Variants in EML5 observed in about 807,000 individuals in gnomAD.
EML5 encodes echinoderm microtubule-associated protein-like 5.
EML5 carries 120 observed loss-of-function variants against 250.0 expected under a neutral mutation model. The ratio of observed to expected loss-of-function variants is 0.48; its 90% CI spans 0.41 to 0.56. The LOEUF (loss-of-function observed/expected upper bound fraction) is 0.56. Ranked by LOEUF, EML5 falls within the 20% of genes least tolerant of loss-of-function variation. EML5 has a pLI of 0.00. For synonymous variants in EML5, 771 were observed against 806.5 expected (o/e 0.96, Z 0.75); for missense variants, 2,006 against 2,437.6 (o/e 0.82, Z 3.73).
At chr14:88,616,062 C>A in intron 43 of EML5, 80 bp downstream of exon 43, 1 of 1,488,636 alleles carries the variant, frequency 6.7e-7, no homozygotes, top group Admixed American at 1.7e-5. Flanking sequence ...ATTTCATAAA[C>A]CAAAGCTGTA....
chr14:88,762,946 T>C (rs2094267059), intron 1 of EML5, among the ~76,000 whole-genome samples: 1 of 152,112 alleles, frequency 6.6e-6, no homozygotes, highest in Non-Finnish European at 1.5e-5. Context: ...CAGAAATACG[T>C]TCTTTGAAAC....
intron 21 of EML5, 128 bp from the exon 22 acceptor site, chr14:88,665,617 A>G: frequency 2.4e-6 from 3 of 1,254,856 alleles, no homozygotes; most frequent in South Asian, 3.0e-5. Flanking sequence ...GCCCGCGGCC[A>G]GGAGGTTAAG....
chr14:88,626,907 G>A lies in EML5; in HGVS notation c.4671C>T (p.Ser1557=). 1 of 1,613,732 alleles carries A rather than the reference G, an allele frequency of 6.2e-7. No homozygotes were observed. The highest frequency in any genetic ancestry group is 2.2e-5 in the East Asian group (1 of 44,866). ...FWTLAGRALL[S]KKGLLSTLED... is the part of the protein sequence containing the mutation. Reference sequence around the variant, plus strand: ...CCAGTGTGCTCAGTAGCCCTTTTTTGCTAAGAAGAGCTCTTCCTGCCAGGG... The same window carrying A: ...CCAGTGTGCTCAGTAGCCCTTTTTTACTAAGAAGAGCTCTTCCTGCCAGGG... The change falls in exon 35 of 44, where the codon AGC becomes AGT. Residue 1557 remains serine, a synonymous_variant. Transcript: ENST00000554922.
In EML5 at chr14:88,616,212, G is replaced by A. The variant is rs538021093; in HGVS notation, c.5827C>T (p.Pro1943Ser). The change falls in exon 43 of 44, where the codon CCC (proline) becomes TCC (serine). Residue 1943 changes from proline to serine, a missense_variant. Around this residue, in one of 7 missense-constraint regions of EML5, gnomAD observed 56 missense variants for 55.1 expected, o/e 1.02. Transcript: ENST00000554922. ...GTAAATCGAATATTTGTCACATGGG[G>A]CGAATGACCCAAGAACCTTTTGTGT... ...AKHKRFLGHS[P>S]HVTNIRFTSG... 17 of 1,613,900 alleles carry A rather than the reference G, an allele frequency of 1.1e-5. No homozygotes were observed. The South Asian group carries it at 1.8e-4, about 17-fold the overall frequency.
In EML5 at chr14:88,613,383, C is replaced by CTT; in HGVS notation, c.*2433_*2434dup. The CTT allele has an allele frequency of 6.6e-6, 1 of 151,980 alleles. No individual in the cohort carries two copies. Among genetic ancestry groups the CTT allele is most frequent in the East Asian group, 1.9e-4 (1 of 5,194 alleles). 9.4% of individuals were successfully genotyped at this position (151,980 alleles called of 1,614,324 possible). ...TAAATTGTTTAAATATCTGGAAATACTTTTAGCTATCATTTATAAAGATAG... is the reference window on the plus strand; with the variant it reads ...TAAATTGTTTAAATATCTGGAAATACTTTTTTAGCTATCATTTATAAAGATAG... On this transcript the variant is annotated 3_prime_UTR_variant, in exon 44 of 44. Coordinates refer to ENST00000554922, the MANE Select transcript of EML5 (RefSeq NM_183387.3).
At chr14:88,781,719 C>T (rs773306029) in intron 1 of EML5, among the ~76,000 whole-genome samples, 1 of 152,156 alleles carries the variant, frequency 6.6e-6, no homozygotes, top group African/African-American at 2.4e-5. Context: ...GGCTTTTCCC[C>T]CTCTTCACTC....
chr14:88,669,289 G>A (rs912446804), intron 21 of EML5, among the ~76,000 whole-genome samples: 1 of 152,168 alleles, frequency 6.6e-6, no homozygotes, highest in African/African-American at 2.4e-5. Context: ...CCAAGTTCCT[G>A]GGGGAAGGGA....
intron 1 of EML5, among the ~76,000 whole-genome samples, chr14:88,769,649 G>C (rs116622155): frequency 0.018 from 2,787 of 152,212 alleles, 96 homozygotes; most frequent in African/African-American, 0.063. Context: ...AAAAATAGGT[G>C]ACACGCCAGA....
At chr14:88,721,395 C>A (rs187921402) in intron 8 of EML5, among the ~76,000 whole-genome samples, 5 of 152,270 alleles carry the variant, frequency 3.3e-5, no homozygotes, top group South Asian at 2.1e-4. Flanking sequence ...ACCAAAACAG[C>A]ATGATGCTGG....
At chr14:88,754,787 T>C (rs1345566917) in intron 1 of EML5, 116 bp from the exon 2 acceptor site, 22 of 920,714 alleles carry the variant, frequency 2.4e-5, no homozygotes, top group Admixed American at 1.2e-4. Flanking sequence ...TTATCCACTT[T>C]AGACAATTTG....
intron 1 of EML5, among the ~76,000 whole-genome samples, chr14:88,769,162 A>G (rs1376862637): frequency 1.3e-5 from 2 of 152,236 alleles, no homozygotes; most frequent in South Asian, 2.1e-4. Context: ...TGTGTCCCCA[A>G]CCAAATCTCA....
Position 88,777,487 on chromosome 14 carries a change from T to C in EML5, c.197+14820A>G, listed in dbSNP as rs151070242. On this transcript the variant is annotated intron_variant, in intron 1 of 43. Transcript: ENST00000554922. ...TTAATGAGCAATAAGTAATCCCAAG[T>C]GGGTTTTGAAGGTACAAAACTCACT... 5.2e-3 allele frequency among the ~76,000 whole-genome samples: 787 copies of C among 152,274 alleles called. 8 individuals carry two copies. The highest frequency in any genetic ancestry group is 0.018 in the African/African-American group (756 of 41,558).
At position 88,702,594 on chromosome 14, in the gene EML5, G is replaced by A; in HGVS notation, c.2090C>T (p.Thr697Ile). 1 of 1,607,610 alleles carries A rather than the reference G, an allele frequency of 6.2e-7. No homozygotes were observed. The change falls in exon 14 of 44, where the codon ACT becomes ATT. Residue 697 changes from threonine (T) to isoleucine (I), a missense_variant. Around this residue, in one of 7 missense-constraint regions of EML5, gnomAD observed 1,375 missense variants for 1,590.3 expected, o/e 0.86. Coordinates refer to ENST00000554922, the MANE Select transcript of EML5 (RefSeq NM_183387.3). ...GYDCRSNLFY[T>I]QIGEIVYHVA... is the part of the protein sequence containing the mutation. ...ATGGTACACAATTTCACCAATTTGA[G>A]TATAAAACAGATTACTTCGACAGTC...
At chr14:88,722,025 A>G (rs1200507252) in intron 8 of EML5, among the ~76,000 whole-genome samples, 1 of 152,208 alleles carries the variant, frequency 6.6e-6, no homozygotes, top group East Asian at 1.9e-4. Context: ...GCTCAACATC[A>G]CTGATTATTA....
In EML5 at chr14:88,668,937, C is replaced by T. The variant is rs569668808; in HGVS notation, c.3125-3448G>A. 1.8e-4 allele frequency among the ~76,000 whole-genome samples: 28 copies of T among 151,980 alleles called. 1 individual carries two copies. The South Asian group carries it at 4.8e-3, about 26-fold the overall frequency. On this transcript the variant is annotated intron_variant, in intron 21 of 43. Coordinates refer to ENST00000554922, the MANE Select transcript of EML5 (RefSeq NM_183387.3). ...GGTCAGAGGCTCCCACCAAGAAGAC[C>T]GAAAACGGCAAGTGAATCCTGCACC...
At position 88,657,351 on chromosome 14, in the gene EML5, A is replaced by G. The variant is rs373317962; in HGVS notation, c.4004+25T>C. ...TTTTAATGACAATATCTTTTTCTTC[A>G]TCTAATACTAAACTAAATTATTACC... is the stretch of plus-strand genomic sequence containing the variant. On this transcript the variant is annotated intron_variant, in intron 27 of 43. Coordinates refer to ENST00000554922, the MANE Select transcript of EML5 (RefSeq NM_183387.3). 6 of 1,534,988 alleles carry G rather than the reference A, an allele frequency of 3.9e-6. No individual in the cohort carries two copies. In the African/African-American group the frequency reaches 6.9e-5, roughly 18 times the overall value.
intron 21 of EML5, among the ~76,000 whole-genome samples, chr14:88,665,827 G>C (rs907584015): frequency 1.3e-5 from 2 of 152,066 alleles, no homozygotes; most frequent in African/African-American, 2.4e-5. Context: ...AGGACTGTTT[G>C]AGCCCAGGAG....
intron 19 of EML5, among the ~76,000 whole-genome samples, chr14:88,686,414 C>T (rs900843619): frequency 6.6e-6 from 1 of 151,082 alleles, no homozygotes; most frequent in South Asian, 2.1e-4. Flanking sequence ...ATAATAATAA[C>T]AATAATAATA....
intron 42 of EML5, 110 bp downstream of exon 42, chr14:88,616,616 A>G (rs1298024142): frequency 5.2e-6 from 6 of 1,161,520 alleles, no homozygotes; most frequent in African/African-American, 4.7e-5. Context: ...AAGTTTGGGG[A>G]AAAATTTAGA....
Sources: gnomAD v4.1 joint callset for allele counts (sites outside exome capture counted in the v4.1 genomes callset) on GRCh38, gnomAD v4.1.1 for gene constraint, gnomAD v4.1.1 regional missense constraint, MANE v1.5 for transcripts, NCBI Gene and HGNC (gene_info 2026-07-23, HGNC 2026-07-21) for gene names.